Variants in MAST4 observed in about 807,000 individuals in gnomAD.
MAST4 encodes the protein microtubule associated serine/threonine kinase family member 4, also known as microtubule-associated serine/threonine-protein kinase 4.
Under a neutral mutation model 162.7 loss-of-function variants are expected in MAST4, and 89 were observed. That is an observed-to-expected ratio of 0.55 (90% CI 0.46 to 0.65). The LOEUF is 0.65. MAST4 is among the 30% of genes least tolerant of loss of function. The probability of loss-of-function intolerance (pLI) is 0.00; values close to 1 mark genes in which losing one functional copy is unlikely to be tolerated. For missense variants in MAST4, 3,153 were observed against 3,374.0 expected (o/e 0.93, Z 1.62); for synonymous variants, 1,479 against 1,361.1 (o/e 1.09, Z -1.91).
chr5:66,767,571 C>T (rs537741247), intron 2 of MAST4, among the ~76,000 whole-genome samples: 7 of 151,960 alleles, frequency 4.6e-5, no homozygotes, highest in African/African-American at 1.2e-4. Flanking sequence ...AGAGTTATTA[C>T]GGTTTTCTAG....
chr5:66,624,903 T>C (rs1216051138), intron 1 of MAST4, among the ~76,000 whole-genome samples: 1 of 152,138 alleles, frequency 6.6e-6, no homozygotes, highest in Non-Finnish European at 1.5e-5. Context: ...ATTGTAAAAC[T>C]CCTAGAAGAA....
chr5:66,816,127 A>C (rs1756705446), intron 3 of MAST4, among the ~76,000 whole-genome samples: 2 of 152,174 alleles, frequency 1.3e-5, no homozygotes, highest in African/African-American at 4.8e-5. Flanking sequence ...ATATTATCTT[A>C]TGGCATGCTT....
intron 3 of MAST4, among the ~76,000 whole-genome samples, chr5:66,843,803 T>G (rs1424989205): frequency 1.3e-5 from 2 of 152,190 alleles, no homozygotes; most frequent in Non-Finnish European, 2.9e-5. Flanking sequence ...CATGGGAATT[T>G]TGATACACAG....
At chr5:66,970,495 G>T (rs1396487612) in intron 4 of MAST4, among the ~76,000 whole-genome samples, 1 of 152,156 alleles carries the variant, frequency 6.6e-6, no homozygotes, top group Non-Finnish European at 1.5e-5. Flanking sequence ...TGGGGTCTTG[G>T]CACAGCTGAG....
intron 1 of MAST4, among the ~76,000 whole-genome samples, chr5:66,640,457 G>A (rs777196346): frequency 8.5e-5 from 13 of 152,110 alleles, no homozygotes; most frequent in African/African-American, 2.9e-4. Context: ...ACAGGCACCC[G>A]CCTCCACGCC....
At chr5:66,638,464 G>A (rs964469797) in intron 1 of MAST4, among the ~76,000 whole-genome samples, 1 of 151,958 alleles carries the variant, frequency 6.6e-6, no homozygotes, top group African/African-American at 2.4e-5. Flanking sequence ...AAATTCTTGG[G>A]ACCAGCAGTG....
At chr5:67,078,711 T>TTA (rs1366134014) in intron 5 of MAST4, among the ~76,000 whole-genome samples, 1 of 126,494 alleles carries the variant, frequency 7.9e-6, no homozygotes, top group African/African-American at 3.3e-5. Context: ...TATATAATAT[T>TTA]TATTTATATT....
chr5:66,888,057 AAAAAT>A (rs1334908722), intron 3 of MAST4, among the ~76,000 whole-genome samples: 3 of 152,104 alleles, frequency 2.0e-5, no homozygotes, highest in African/African-American at 4.8e-5. Context: ...AAAAAAAAAT[AAAAAT>A]AAAATAGTAC....
At chr5:66,873,178 G>C (rs1328652685) in intron 3 of MAST4, among the ~76,000 whole-genome samples, 1 of 152,148 alleles carries the variant, frequency 6.6e-6, no homozygotes, top group Non-Finnish European at 1.5e-5. Context: ...GGTTTAAAAG[G>C]TCACATTCTT....
rs1561693838 is a variant in MAST4, at chr5:67,130,357, C to T, written c.1893C>T (p.Val631=). 1 of 1,613,870 alleles carries T rather than the reference C, an allele frequency of 6.2e-7. No individual in the cohort carries two copies. The highest frequency in any genetic ancestry group is 8.5e-7 in the Non-Finnish European group (1 of 1,179,916). Reference sequence around the variant, plus strand: ...CTTTTGCAGAAAACCCCTTTGTTGTCAGCATGTATTGCTCCTTTGAAACAA... The same window carrying T: ...CTTTTGCAGAAAACCCCTTTGTTGTTAGCATGTATTGCTCCTTTGAAACAA... ...ILTFAENPFV[V]SMYCSFETRR... is the part of the protein sequence containing the mutation. Residue 631 remains valine (V), a synonymous_variant, in exon 15 of 29, where the codon GTC becomes GTT. Transcript: ENST00000403625.
At chr5:66,791,376 C>G (rs1242895730) in intron 3 of MAST4, among the ~76,000 whole-genome samples, 2 of 152,196 alleles carry the variant, frequency 1.3e-5, no homozygotes, top group African/African-American at 2.4e-5. Flanking sequence ...TACCAAGAAA[C>G]AGAAACTGAC....
chr5:66,993,971 A>AT (rs768876972), intron 4 of MAST4, among the ~76,000 whole-genome samples: 1 of 123,962 alleles, frequency 8.1e-6, no homozygotes, highest in East Asian at 2.7e-4. Context: ...ACTCCAGATG[A>AT]TTCAATGATG....
intron 3 of MAST4, among the ~76,000 whole-genome samples, chr5:66,843,566 T>C (rs1283316248): frequency 6.6e-6 from 1 of 152,178 alleles, no homozygotes; most frequent in Non-Finnish European, 1.5e-5. Context: ...CAATATGTGA[T>C]GAGGCTGAGT....
chr5:66,788,601 C>CCCCCCCCAAACAAAAAAAAAAAAAA, intron 2 of MAST4, 69 bp from the exon 3 acceptor site: 5 of 1,179,558 alleles, frequency 4.2e-6, no homozygotes, highest in South Asian at 1.2e-5. Flanking sequence ...ACCCCACCCC[C>CCCCCCCCAAACAAAAAAAAAAAAAA]ACCCCCATTG....
chr5:67,115,943 C>T (rs916027915), intron 12 of MAST4, among the ~76,000 whole-genome samples: 2 of 151,932 alleles, frequency 1.3e-5, no homozygotes, highest in East Asian at 1.9e-4. Context: ...CGACTCTTCA[C>T]GCTGGTATAG....
chr5:66,610,078 T>G (rs2149393115), intron 1 of MAST4, among the ~76,000 whole-genome samples: 1 of 152,256 alleles, frequency 6.6e-6, no homozygotes, highest in East Asian at 1.9e-4. Flanking sequence ...CAATTACTTT[T>G]GCACCACCCT....
chr5:66,656,992 G>A (rs773778264), intron 1 of MAST4, among the ~76,000 whole-genome samples: 10 of 152,138 alleles, frequency 6.6e-5, no homozygotes, highest in African/African-American at 2.2e-4. Flanking sequence ...TTGCCCAGTA[G>A]TATCAAATCT....
chr5:67,119,031 G>T (rs937026721), intron 13 of MAST4, among the ~76,000 whole-genome samples: 4 of 152,206 alleles, frequency 2.6e-5, no homozygotes, highest in Admixed American at 2.6e-4. Context: ...GAACATTCCA[G>T]ACACAGGCTA....
intron 4 of MAST4, among the ~76,000 whole-genome samples, chr5:66,989,998 G>T (rs1749894559): frequency 1.3e-5 from 2 of 152,160 alleles, no homozygotes; most frequent in South Asian, 4.1e-4. Context: ...GTTTCACAGG[G>T]AGACACAGAG....
Sources: gnomAD v4.1 joint callset for allele counts (sites outside exome capture counted in the v4.1 genomes callset) on GRCh38, gnomAD v4.1.1 for gene constraint, MANE v1.5 for transcripts, NCBI Gene and HGNC (gene_info 2026-07-23, HGNC 2026-07-21) for gene names.